SLC4A4: variants seen among roughly 807,000 people sequenced by gnomAD.
SLC4A4 encodes the protein solute carrier family 4 member 4.
A neutral mutation model predicts 111.5 loss-of-function variants in SLC4A4; 27 were observed. The observed-to-expected ratio is 0.24, with a 90% CI of 0.18 to 0.33. The LOEUF is 0.33. Among genes scored for constraint, SLC4A4 ranks in the 10% least tolerant of loss-of-function variants. The probability of loss-of-function intolerance (pLI) is 1.00; values close to 1 mark genes in which losing one functional copy is unlikely to be tolerated. For missense variants in SLC4A4, 909 were observed against 1,315.5 expected (o/e 0.69, Z 4.78); for synonymous variants, 443 against 463.4 (o/e 0.96, Z 0.57).
intron 3 of SLC4A4, among the ~76,000 whole-genome samples, chr4:71,321,622 G>C (rs1316391107): frequency 1.3e-5 from 2 of 151,916 alleles, no homozygotes; most frequent in Non-Finnish European, 2.9e-5. Context: ...TGGCATCTGG[G>C]GAGGGCCTGC....
chr4:71,197,409 T>TAAA (rs1746056894), intron 1 of SLC4A4, among the ~76,000 whole-genome samples: 1 of 152,118 alleles, frequency 6.6e-6, no homozygotes, highest in South Asian at 2.1e-4. Context: ...ATTAATTAAC[T>TAAA]TATTTTGATA....
upstream of SLC4A4, among the ~76,000 whole-genome samples, chr4:71,185,475 A>T (rs1474715339): frequency 6.6e-6 from 1 of 152,208 alleles, no homozygotes; most frequent in Non-Finnish European, 1.5e-5. Flanking sequence ...GTTTCCCATG[A>T]AAAATTCCCA....
At chr4:71,474,577 A>C (rs893172355) in intron 14 of SLC4A4, among the ~76,000 whole-genome samples, 2 of 151,912 alleles carry the variant, frequency 1.3e-5, no homozygotes, top group South Asian at 4.1e-4. Flanking sequence ...GAGAAAAAAG[A>C]GAACACTACT....
chr4:71,177,141 C>A (rs112109445), intron 2 of SLC4A4, among the ~76,000 whole-genome samples: 1,967 of 152,244 alleles, frequency 0.013, 22 homozygotes, highest in Middle Eastern at 0.024. Context: ...GAGATTTTGT[C>A]ACCACCAGGC....
In SLC4A4 at chr4:71,316,644, A is replaced by G. The variant is rs954010722; in HGVS notation, c.254-22726A>G. Reference sequence around the variant, plus strand: ...TGTGCCATAGTAGTTTGCTGCACCTATCAACCCATCACGTAGGTATTAAGC... The same window carrying G: ...TGTGCCATAGTAGTTTGCTGCACCTGTCAACCCATCACGTAGGTATTAAGC... On this transcript the variant is annotated intron_variant, in intron 3 of 25. Coordinates refer to ENST00000264485, the MANE Select transcript of SLC4A4 (RefSeq NM_001098484.3). Among the ~76,000 whole-genome samples, 6 of 152,224 alleles carry G rather than the reference A, an allele frequency of 3.9e-5. No individual in the cohort carries two copies. The South Asian group carries it at 1.0e-3, about 26-fold the overall frequency.
In SLC4A4 at chr4:71,532,089, A is replaced by G. The variant is rs757296324; in HGVS notation, c.2194A>G (p.Ile732Val). ...AAGAAAACTGATCAGTGATTTTGCC[A>G]TTATCTTGTCCATTCTCATCTTTTG... ...TARKLISDFAIILSILIFCVI... is the reference protein window; with the variant it reads ...TARKLISDFAVILSILIFCVI... Residue 732 changes from isoleucine to valine, a missense_variant, in exon 17 of 26, where the codon ATT becomes GTT. Physicochemically the swap from Ile to Val is conservative, Grantham distance 29 (BLOSUM62 3). Transcript: ENST00000264485. The G allele has an allele frequency of 2.4e-5, 38 of 1,612,556 alleles. 2 individuals are homozygous for G. The Admixed American group carries it at 5.2e-4, about 22-fold the overall frequency.
intron 1 of SLC4A4, among the ~76,000 whole-genome samples, chr4:71,207,653 C>G (rs1422165678): frequency 6.6e-6 from 1 of 152,202 alleles, no homozygotes; most frequent in Admixed American, 6.5e-5. Flanking sequence ...AAATTTGCTA[C>G]TTCACATTCT....
chr4:71,358,079 C>T (rs2148913843), intron 6 of SLC4A4, among the ~76,000 whole-genome samples: 1 of 152,040 alleles, frequency 6.6e-6, no homozygotes, highest in East Asian at 1.9e-4. Flanking sequence ...CTTTGGGAGG[C>T]CGAGGCGGGT....
At chr4:71,363,191 C>T (rs922726143) in intron 6 of SLC4A4, among the ~76,000 whole-genome samples, 1 of 152,096 alleles carries the variant, frequency 6.6e-6, no homozygotes, top group Non-Finnish European at 1.5e-5. Context: ...AGGTGGTTTG[C>T]AATGCAGAAC....
chr4:71,422,274 A>G (rs1722598864), intron 7 of SLC4A4, among the ~76,000 whole-genome samples: 1 of 144,362 alleles, frequency 6.9e-6, no homozygotes, highest in Non-Finnish European at 1.5e-5. Context: ...ACACTCTCCC[A>G]AGACTAAACC....
At chr4:71,341,934 C>G (rs1252098944) in intron 4 of SLC4A4, among the ~76,000 whole-genome samples, 1 of 152,000 alleles carries the variant, frequency 6.6e-6, no homozygotes, top group Non-Finnish European at 1.5e-5. Context: ...CGGCTTTACT[C>G]CTAGCCCCAA....
intron 8 of SLC4A4, among the ~76,000 whole-genome samples, chr4:71,446,994 G>C (rs1725296988): frequency 6.6e-6 from 1 of 152,158 alleles, no homozygotes; most frequent in African/African-American, 2.4e-5. Context: ...GCAATGTTTT[G>C]TGCATTATGA....
chr4:71,349,860 T>C, intron 4 of SLC4A4, 52 bp from the exon 5 acceptor site: 1 of 1,586,702 alleles, frequency 6.3e-7, no homozygotes, highest in Non-Finnish European at 8.7e-7. Flanking sequence ...CTGCTATTTC[T>C]AGAGGAAGTT....
At chr4:71,204,491 C>A (rs573088523) in intron 1 of SLC4A4, among the ~76,000 whole-genome samples, 1 of 152,278 alleles carries the variant, frequency 6.6e-6, no homozygotes, top group South Asian at 2.1e-4. Context: ...ACTTTTTATT[C>A]TTCTTGTTTC....
Position 71,255,248 on chromosome 4 carries a change from T to C in SLC4A4, c.102T>C (p.His34=). Residue 34 remains histidine, a synonymous_variant, in exon 3 of 26, where the codon CAT becomes CAC. Coordinates refer to ENST00000264485, the MANE Select transcript of SLC4A4 (RefSeq NM_001098484.3). ...ACCATACCATTTACATCGGAGTCCA[T>C]GTGCCGAAGAGTTACAGGAGAAGGA... ...EGHHTIYIGV[H]VPKSYRRRRR... 1.9e-6 allele frequency: 3 copies of C among 1,613,404 alleles called. No individual in the cohort carries two copies. Among genetic ancestry groups the C allele is most frequent in the African/African-American group, 1.3e-5 (1 of 74,972 alleles).
chr4:71,234,493 T>G (rs1719663022), intron 1 of SLC4A4, among the ~76,000 whole-genome samples: 1 of 152,224 alleles, frequency 6.6e-6, no homozygotes, highest in South Asian at 2.1e-4. Flanking sequence ...TGGCGCTATC[T>G]CGGCTCACTG....
chr4:71,506,004 T>A (rs1560570443), intron 16 of SLC4A4, among the ~76,000 whole-genome samples: 1 of 152,060 alleles, frequency 6.6e-6, no homozygotes, highest in Non-Finnish European at 1.5e-5. Context: ...TGGTTGTAGG[T>A]GTGTGGTCTT....
chr4:71,121,608 C>A (rs1265351644), intron 2 of SLC4A4, among the ~76,000 whole-genome samples: 2 of 152,144 alleles, frequency 1.3e-5, no homozygotes, highest in Non-Finnish European at 2.9e-5. Context: ...ATTGTAAATG[C>A]ACCAATCAGC....
intron 6 of SLC4A4, among the ~76,000 whole-genome samples, chr4:71,366,315 T>TTGTG (rs71673473): frequency 0.054 from 7,455 of 137,882 alleles, 239 homozygotes; most frequent in African/African-American, 0.083. Context: ...TCTGGAGATA[T>TTGTG]TGTGTGTGTG....
Sources: gnomAD v4.1 joint callset for allele counts (sites outside exome capture counted in the v4.1 genomes callset) on GRCh38, gnomAD v4.1.1 for gene constraint, MANE v1.5 for transcripts, NCBI Gene and HGNC (gene_info 2026-07-23, HGNC 2026-07-21) for gene names.